The following SLC25A48 variants were observed in gnomAD, a reference collection of about 807,000 sequenced individuals.
SLC25A48 encodes the protein CTC-321K16.1.
SLC25A48 carries 29 observed loss-of-function variants against 32.2 expected under a neutral mutation model. That is an observed-to-expected ratio of 0.90 (90% CI 0.67 to 1.23). The LOEUF (loss-of-function observed/expected upper bound fraction) is 1.23, where lower values mean the gene tolerates loss of function less well. SLC25A48 is among the 50% of genes most tolerant of loss of function. The probability of loss-of-function intolerance (pLI) is 0.00; values close to 1 mark genes in which losing one functional copy is unlikely to be tolerated. For missense variants in SLC25A48, 399 were observed against 422.7 expected (o/e 0.94, Z 0.49); for synonymous variants, 164 against 172.3 (o/e 0.95, Z 0.38).
At chr5:135,694,289 C>T (rs532259482) in intron 3 of SLC25A48, among the ~76,000 whole-genome samples, 78 of 152,330 alleles carry the variant, frequency 5.1e-4, no homozygotes, top group Non-Finnish European at 9.7e-4. Context: ...ACACAGGCTT[C>T]CAGAGGCCCC....
chr5:135,852,585 T>G lies in SLC25A48; in HGVS notation c.185T>G (p.Met62Arg). The G allele has an allele frequency of 6.3e-7, 1 of 1,599,882 alleles. No homozygotes were observed. Among genetic ancestry groups the G allele is most frequent in the Non-Finnish European group, 8.6e-7 (1 of 1,168,080 alleles). The change falls in exon 4 of 8, where the codon ATG (methionine) becomes AGG (arginine). Residue 62 changes from methionine to arginine, a missense_variant. Coordinates refer to ENST00000681962, the MANE Select transcript of SLC25A48 (RefSeq NM_001349336.2). Reference sequence around the variant, plus strand: ...CAGATGTTCGGCTTCTTCAAGGGCATGTCCTTCCCCCTCGCCAGCATTGCC... The same window carrying G: ...CAGATGTTCGGCTTCTTCAAGGGCAGGTCCTTCCCCCTCGCCAGCATTGCC... ...RESMFGFFKGMSFPLASIAVY... is the reference protein window; with the variant it reads ...RESMFGFFKGRSFPLASIAVY...
At chr5:135,863,774 A>G (rs978396422) in intron 4 of SLC25A48, among the ~76,000 whole-genome samples, 6 of 152,166 alleles carry the variant, frequency 3.9e-5, no homozygotes, top group Admixed American at 2.0e-4. Flanking sequence ...TGACCCCTAG[A>G]AACTGAGTCC....
intron 3 of SLC25A48, among the ~76,000 whole-genome samples, chr5:135,652,025 A>C (rs1282467359): frequency 6.6e-6 from 1 of 152,228 alleles, no homozygotes; most frequent in Non-Finnish European, 1.5e-5. Context: ...ACAAAATAAC[A>C]TGCTCAGAAG....
At chr5:135,760,073 C>T (rs1454563310) in intron 3 of SLC25A48, among the ~76,000 whole-genome samples, 2 of 152,036 alleles carry the variant, frequency 1.3e-5, no homozygotes, top group Non-Finnish European at 2.9e-5. Context: ...TCAAGTGATC[C>T]ACCACCCTCA....
chr5:135,723,550 A>AT (rs1215985394), intron 3 of SLC25A48, among the ~76,000 whole-genome samples: 18 of 151,370 alleles, frequency 1.2e-4, no homozygotes, highest in Admixed American at 2.6e-4. Context: ...ACTAAAAAAA[A>AT]AAAAAAGACA....
intron 3 of SLC25A48, among the ~76,000 whole-genome samples, chr5:135,703,873 G>A (rs1290602124): frequency 2.0e-5 from 3 of 152,134 alleles, no homozygotes; most frequent in African/African-American, 7.2e-5. Context: ...TCCTTTTTCT[G>A]CGTACTGTGC....
At position 135,716,523 on chromosome 5, in the gene SLC25A48, G is replaced by A. The variant is rs190758710; in HGVS notation, c.-521+81567G>A. Among the ~76,000 whole-genome samples the A allele has an allele frequency of 4.2e-3, 642 of 152,206 alleles. 3 individuals are homozygous for A. Among genetic ancestry groups the A allele is most frequent in the Non-Finnish European group, 5.9e-3 (399 of 68,012 alleles). ...ACCAGACATTCTCTGCTCTCACTGC[G>A]GATCATTTCCTGCACCTTAGTGTGA... On this transcript the variant is annotated intron_variant, in intron 3 of 10. Transcript: ENST00000646290.
intron 3 of SLC25A48, among the ~76,000 whole-genome samples, chr5:135,648,099 C>T (rs73283252): frequency 0.069 from 10,523 of 152,148 alleles, 722 homozygotes; most frequent in African/African-American, 0.18. Flanking sequence ...TTATGAAGTA[C>T]AGGTAGCCTC....
intron 1 of SLC25A48, among the ~76,000 whole-genome samples, chr5:135,623,719 C>T (rs575693229): frequency 6.6e-6 from 1 of 152,304 alleles, no homozygotes; most frequent in South Asian, 2.1e-4. Flanking sequence ...GAGGAGACAC[C>T]CAGGAAATCA....
chr5:135,654,625 A>C (rs531374843), intron 3 of SLC25A48, among the ~76,000 whole-genome samples: 9 of 152,362 alleles, frequency 5.9e-5, no homozygotes, highest in Non-Finnish European at 1.2e-4. Flanking sequence ...GATTTTATGT[A>C]TCAACTTGGC....
At chr5:135,654,058 GC>G in intron 3 of SLC25A48, 2 of 375,076 alleles carry the variant, frequency 5.3e-6, no homozygotes, top group South Asian at 3.9e-5. Flanking sequence ...TTATGTAACA[GC>G]CACCAGTGGG....
intron 2 of SLC25A48, among the ~76,000 whole-genome samples, chr5:135,842,901 A>C (rs1309787816): frequency 6.6e-6 from 1 of 152,214 alleles, no homozygotes; most frequent in Non-Finnish European, 1.5e-5. Context: ...GGTGAGCAGA[A>C]TTTAGAGCTA....
At position 135,673,032 on chromosome 5, in the gene SLC25A48, A is replaced by G. The variant is rs116311434; in HGVS notation, c.-521+38076A>G. Among the ~76,000 whole-genome samples the G allele has an allele frequency of 1.4e-3, 209 of 152,352 alleles. 1 individual carries two copies. Among genetic ancestry groups the G allele is most frequent in the African/African-American group, 4.8e-3 (198 of 41,594 alleles). ...CTTTCAGCATAATTATTTTGATATT[A>G]ATATTCCTCCATGCTATTGCACATA... On this transcript the variant is annotated intron_variant, in intron 3 of 10. Transcript: ENST00000646290.
intron 3 of SLC25A48, among the ~76,000 whole-genome samples, chr5:135,793,068 T>C (rs7449192): frequency 0.68 from 102,379 of 150,154 alleles, 36,918 homozygotes; most frequent in Non-Finnish European, 0.81. Context: ...GGATATTATT[T>C]GTATTATCCA....
Position 135,852,562 on chromosome 5 carries a change from G to A in SLC25A48, c.163-1G>A. 6.3e-7 allele frequency: 1 copy of A among 1,590,934 alleles called. No homozygotes were observed. The highest frequency in any genetic ancestry group is 1.3e-5 in the African/African-American group (1 of 74,588). On this transcript the variant is annotated splice_acceptor_variant, in intron 3 of 7. Transcript: ENST00000681962. LOFTEE classifies it high-confidence loss of function. ...CCTCTTCCTTCTGGTTTTCACTGCA[G>A]ATGTTCGGCTTCTTCAAGGGCATGT...
At chr5:135,626,588 A>G (rs1157403731) in intron 1 of SLC25A48, among the ~76,000 whole-genome samples, 1 of 152,182 alleles carries the variant, frequency 6.6e-6, no homozygotes, top group African/African-American at 2.4e-5. Context: ...GTGCTTGCAT[A>G]CATGTGTGTT....
In SLC25A48 at chr5:135,646,678, T is replaced by TATATATATATATACAC. The variant is rs966073970; in HGVS notation, c.-521+11723_-521+11724insTATATATATATACACA. ...TTCCCATTATATATATATATATATA[T>TATATATATATATACAC]ACAATGGGAAGGACATAATGCTAAG... On this transcript the variant is annotated intron_variant, in intron 3 of 10. Coordinates refer to the SLC25A48 transcript ENST00000646290. Among the ~76,000 whole-genome samples, 63 of 136,768 alleles carry TATATATATATATACAC rather than the reference T, an allele frequency of 4.6e-4. 1 individual carries two copies. The highest frequency in any genetic ancestry group is 1.7e-3 in the African/African-American group (62 of 36,482). 89.7% of individuals were successfully genotyped at this position (136,768 alleles called of 152,430 possible).
At chr5:135,886,613 ATATATATATATATATATATAT>A (rs1237686266) in intron 7 of SLC25A48, among the ~76,000 whole-genome samples, 4,639 of 41,846 alleles carry the variant, frequency 0.11, 553 homozygotes, top group African/African-American at 0.29. Context: ...ATATATATAT[ATATATATATATATATATATAT>A]ATAAAATATA....
chr5:135,659,892 T>C (rs1418935374), intron 3 of SLC25A48, among the ~76,000 whole-genome samples: 2 of 152,178 alleles, frequency 1.3e-5, no homozygotes, highest in African/African-American at 4.8e-5. Context: ...AAGAGGGAAA[T>C]CTGCCCCCAT....
Sources: gnomAD v4.1 joint callset for allele counts (sites outside exome capture counted in the v4.1 genomes callset) on GRCh38, gnomAD v4.1.1 for gene constraint, MANE v1.5 for transcripts, NCBI Gene and HGNC (gene_info 2026-07-23, HGNC 2026-07-21) for gene names.